TENM3: variants seen among roughly 807,000 people sequenced by gnomAD.
TENM3 encodes teneurin-3.
TENM3 carries 63 observed loss-of-function variants against 255.1 expected under a neutral mutation model. That is an observed-to-expected ratio of 0.25 (90% confidence interval 0.20 to 0.30). TENM3 has a LOEUF of 0.30. Among genes scored for constraint, TENM3 ranks in the 10% least tolerant of loss-of-function variants. TENM3 has a pLI of 1.00. For synonymous variants in TENM3, 1,306 were observed against 1,322.3 expected (o/e 0.99, Z 0.27); for missense variants, 2,929 against 3,461.1 (o/e 0.85, Z 3.86).
At chr4:181,876,055 T>C in the TENM3 span, among the ~76,000 whole-genome samples, 1 of 152,198 alleles carries the variant, frequency 6.6e-6, no homozygotes, top group Non-Finnish European at 1.5e-5. Context: ...GGCCATGGAG[T>C]CCATGCCTTG....
chr4:181,487,598 C>T, the TENM3 span, among the ~76,000 whole-genome samples: 1 of 152,258 alleles, frequency 6.6e-6, no homozygotes, highest in South Asian at 2.1e-4. Context: ...ACCTAATCAC[C>T]TCCCCAAAGT....
At chr4:181,740,404 A>G in the TENM3 span, among the ~76,000 whole-genome samples, 1 of 152,304 alleles carries the variant, frequency 6.6e-6, no homozygotes, top group Non-Finnish European at 1.5e-5. Flanking sequence ...ATGAATATAT[A>G]TGTGTTATTC....
chr4:182,194,307 C>T (rs1036667893), intron 1 of TENM3, among the ~76,000 whole-genome samples: 7 of 152,112 alleles, frequency 4.6e-5, no homozygotes, highest in East Asian at 3.8e-4. Flanking sequence ...AGCTGAGTAC[C>T]GCTGAAAATC....
chr4:182,518,948 C>T (rs1560862792), intron 3 of TENM3, among the ~76,000 whole-genome samples: 1 of 152,146 alleles, frequency 6.6e-6, no homozygotes, highest in Non-Finnish European at 1.5e-5. Flanking sequence ...GGGGCATATA[C>T]TGGAAGTTTT....
chr4:182,612,457 T>A (rs1187053812), intron 4 of TENM3, among the ~76,000 whole-genome samples: 1 of 152,132 alleles, frequency 6.6e-6, no homozygotes, highest in Non-Finnish European at 1.5e-5. Context: ...ACAGAAAGAC[T>A]GAGTATAGGT....
At chr4:182,194,392 G>A (rs750630739) in intron 1 of TENM3, among the ~76,000 whole-genome samples, 7 of 152,092 alleles carry the variant, frequency 4.6e-5, no homozygotes, top group Admixed American at 1.3e-4. Flanking sequence ...AATGGAATTC[G>A]CAGGGTTACC....
At chr4:181,968,787 C>CA in the TENM3 span, among the ~76,000 whole-genome samples, 4 of 151,892 alleles carry the variant, frequency 2.6e-5, no homozygotes, top group African/African-American at 7.3e-5. Context: ...GTATTGTATG[C>CA]AAAAAAATTC....
chr4:182,046,643 T>C, the TENM3 span, among the ~76,000 whole-genome samples: 1 of 152,064 alleles, frequency 6.6e-6, no homozygotes, highest in African/African-American at 2.4e-5. Flanking sequence ...GGCAGGAGGA[T>C]TGCTTGAGTC....
chr4:182,278,665 CAAAAA>C (rs532591080), intron 1 of TENM3, among the ~76,000 whole-genome samples: 2 of 93,128 alleles, frequency 2.1e-5, no homozygotes, highest in African/African-American at 3.3e-5. Flanking sequence ...CCCCAGTGTG[CAAAAA>C]AAAAAAAAAA....
the TENM3 span, among the ~76,000 whole-genome samples, chr4:181,604,909 A>T: frequency 1.3e-5 from 2 of 152,180 alleles, no homozygotes; most frequent in African/African-American, 4.8e-5. Context: ...TCATCTGGAG[A>T]ATAGGGTGAT....
chr4:182,066,438 G>T, the TENM3 span, among the ~76,000 whole-genome samples: 1 of 152,090 alleles, frequency 6.6e-6, no homozygotes, highest in African/African-American at 2.4e-5. Context: ...TTTGGACAAT[G>T]GTCTGGGTTC....
the TENM3 span, among the ~76,000 whole-genome samples, chr4:181,759,734 G>GTC: frequency 2.0e-5 from 3 of 151,330 alleles, no homozygotes; most frequent in Admixed American, 6.6e-5. Flanking sequence ...ATGTGTGTGT[G>GTC]TGTGTGTGTG....
At chr4:181,745,413 G>A in the TENM3 span, among the ~76,000 whole-genome samples, 1 of 152,118 alleles carries the variant, frequency 6.6e-6, no homozygotes, top group African/African-American at 2.4e-5. Flanking sequence ...ACGGAAGAAG[G>A]GAGAAAGCGT....
At chr4:181,568,975 G>A in the TENM3 span, among the ~76,000 whole-genome samples, 2 of 152,308 alleles carry the variant, frequency 1.3e-5, no homozygotes, top group African/African-American at 4.8e-5. Context: ...ACAGTACCTG[G>A]AACAGAGTTG....
chr4:182,522,573 T>C (rs1255350838), intron 3 of TENM3, among the ~76,000 whole-genome samples: 2 of 152,202 alleles, frequency 1.3e-5, no homozygotes, highest in African/African-American at 4.8e-5. Flanking sequence ...TTTCTTTCTT[T>C]TTTAAAAAAT....
chr4:182,702,097 T>A (rs1177997753), intron 12 of TENM3, among the ~76,000 whole-genome samples: 1 of 152,212 alleles, frequency 6.6e-6, no homozygotes, highest in Non-Finnish European at 1.5e-5. Flanking sequence ...TTTATCTTGC[T>A]CAAATAAAAT....
chr4:182,292,558 G>A (rs1561288170), intron 1 of TENM3, among the ~76,000 whole-genome samples: 1 of 152,200 alleles, frequency 6.6e-6, no homozygotes, highest in Non-Finnish European at 1.5e-5. Context: ...AGTTCCAAAA[G>A]GTATATGTTT....
chr4:181,848,138 C>T, the TENM3 span, among the ~76,000 whole-genome samples: 1 of 152,140 alleles, frequency 6.6e-6, no homozygotes, highest in Non-Finnish European at 1.5e-5. Flanking sequence ...TTTTAGAAAT[C>T]GTGGAGTTTA....
the TENM3 span, among the ~76,000 whole-genome samples, chr4:182,105,607 C>A: frequency 4.6e-5 from 7 of 152,234 alleles, no homozygotes; most frequent in Admixed American, 2.6e-4. Context: ...CCAGACACAG[C>A]TCTCATTGTC....
Sources: gnomAD v4.1 joint callset for allele counts (sites outside exome capture counted in the v4.1 genomes callset) on GRCh38, gnomAD v4.1.1 for gene constraint, MANE v1.5 for transcripts, NCBI Gene and HGNC (gene_info 2026-07-23, HGNC 2026-07-21) for gene names.